CALN1: variants seen among roughly 807,000 people sequenced by gnomAD.
CALN1 encodes calneuron 1.
Under a neutral mutation model 30.6 loss-of-function variants are expected in CALN1, and 17 were observed. The observed-to-expected ratio is 0.56, with a 90% CI of 0.38 to 0.83. CALN1 has a LOEUF of 0.83. Ranked by LOEUF, CALN1 falls within the 40% of genes least tolerant of loss-of-function variation. The probability of loss-of-function intolerance (pLI) is 0.00; values close to 1 mark genes in which losing one functional copy is unlikely to be tolerated. For missense variants in CALN1, 291 were observed against 354.9 expected, an observed-to-expected ratio of 0.82 and a Z score of 1.45; for synonymous variants, 156 against 131.4, an observed-to-expected ratio of 1.19 and a Z score of -1.28.
At chr7:72,405,910 C>T (rs907242949) in intron 1 of CALN1, among the ~76,000 whole-genome samples, 1 of 152,192 alleles carries the variant, frequency 6.6e-6, no homozygotes, top group Non-Finnish European at 1.5e-5. Context: ...GACATCAGAG[C>T]AAGGCACCCA....
intron 6 of CALN1, among the ~76,000 whole-genome samples, chr7:71,790,397 AAAGAAAG>A (rs1193214005): frequency 9.6e-5 from 11 of 114,784 alleles, no homozygotes; most frequent in South Asian, 5.8e-4. Context: ...AGAAAGAAAG[AAAGAAAG>A]AAAGAAAGAA....
the CALN1 span, among the ~76,000 whole-genome samples, chr7:72,488,103 G>GA: frequency 6.6e-6 from 1 of 151,844 alleles, no homozygotes; most frequent in Non-Finnish European, 1.5e-5. Context: ...AGGCCAAGGT[G>GA]AATCACTTGA....
At chr7:72,043,838 AAG>A (rs1186589382) in intron 4 of CALN1, among the ~76,000 whole-genome samples, 2 of 152,212 alleles carry the variant, frequency 1.3e-5, no homozygotes, top group Non-Finnish European at 2.9e-5. Context: ...TTACAAAAGA[AAG>A]AAGTTTAATT....
chr7:72,300,648 T>G (rs974100097), intron 2 of CALN1, among the ~76,000 whole-genome samples: 4 of 152,192 alleles, frequency 2.6e-5, no homozygotes, highest in Non-Finnish European at 5.9e-5. Context: ...CAAAATAGAA[T>G]AAGTGCATAA....
chr7:71,939,403 CAAAAA>C (rs56368426), intron 5 of CALN1, among the ~76,000 whole-genome samples: 1 of 105,478 alleles, frequency 9.5e-6, no homozygotes, highest in Admixed American at 9.9e-5. Context: ...ACTAAAAATA[CAAAAA>C]AAAAAAAAAA....
At chr7:72,179,445 T>C (rs1160921136) in intron 3 of CALN1, among the ~76,000 whole-genome samples, 1 of 152,184 alleles carries the variant, frequency 6.6e-6, no homozygotes, top group Non-Finnish European at 1.5e-5. Context: ...TATGTCTGCA[T>C]CGGAGTTTCC....
chr7:72,408,606 T>C (rs1158320477), intron 1 of CALN1, among the ~76,000 whole-genome samples: 2 of 151,718 alleles, frequency 1.3e-5, no homozygotes, highest in African/African-American at 4.8e-5. Flanking sequence ...AAGTGCAATT[T>C]TGTTACATGC....
intron 3 of CALN1, among the ~76,000 whole-genome samples, chr7:72,265,200 T>C (rs1796523855): frequency 6.6e-6 from 1 of 152,158 alleles, no homozygotes; most frequent in African/African-American, 2.4e-5. Flanking sequence ...CACTCTTCCT[T>C]CTTGAGAAGT....
At chr7:72,483,259 G>T in the CALN1 span, among the ~76,000 whole-genome samples, 5 of 127,442 alleles carry the variant, frequency 3.9e-5, no homozygotes, top group African/African-American at 6.4e-5. Context: ...GTTTGGTTTG[G>T]TTTTTTTCCT....
chr7:72,362,877 C>T (rs1395977530), intron 2 of CALN1, among the ~76,000 whole-genome samples: 12 of 152,282 alleles, frequency 7.9e-5, no homozygotes, highest in Non-Finnish European at 1.3e-4. Flanking sequence ...TACCATATTC[C>T]GGTAAATGAA....
At chr7:72,404,471 A>G (rs1806566714) in intron 1 of CALN1, among the ~76,000 whole-genome samples, 1 of 152,238 alleles carries the variant, frequency 6.6e-6, no homozygotes, top group Admixed American at 6.5e-5. Flanking sequence ...GAGAGTGTAA[A>G]TGGAAGACGT....
At chr7:72,328,912 G>T (rs984749379) in intron 2 of CALN1, among the ~76,000 whole-genome samples, 7 of 152,238 alleles carry the variant, frequency 4.6e-5, no homozygotes, top group African/African-American at 1.4e-4. Flanking sequence ...GGCCAGGCTG[G>T]TCTTGAACTC....
chr7:71,911,645 G>A (rs1794429417), intron 5 of CALN1, among the ~76,000 whole-genome samples: 2 of 152,124 alleles, frequency 1.3e-5, no homozygotes, highest in South Asian at 4.2e-4. Context: ...TGTGCAGGTG[G>A]GTGTACAGAT....
At chr7:72,349,282 TTGTGTGTGTGTG>T (rs3032183) in intron 2 of CALN1, among the ~76,000 whole-genome samples, 72,511 of 147,772 alleles carry the variant, frequency 0.49, 17,670 homozygotes, top group East Asian at 0.67. Context: ...ACACGCGTGC[TTGTGTGTGTGTG>T]TGTGTGTGTG....
chr7:72,488,930 T>C, the CALN1 span, among the ~76,000 whole-genome samples: 1 of 152,206 alleles, frequency 6.6e-6, no homozygotes, highest in African/African-American at 2.4e-5. Context: ...ATCCTTATTC[T>C]GACCCAGGTG....
chr7:71,871,155 G>C (rs1791901532), intron 5 of CALN1, among the ~76,000 whole-genome samples: 1 of 152,124 alleles, frequency 6.6e-6, no homozygotes, highest in Admixed American at 6.5e-5. Context: ...ATTAAGTGTT[G>C]AAATGTAAAT....
rs182965008 is a variant in CALN1 at position 71,961,578 on chromosome 7, A to G, written c.501+62079T>C. 1.1e-4 allele frequency among the ~76,000 whole-genome samples: 16 copies of G among 152,304 alleles called. No homozygotes were observed. In the East Asian group the frequency reaches 2.7e-3, roughly 26 times the overall value. On this transcript the variant is annotated intron_variant, in intron 5 of 6. Coordinates refer to ENST00000395275, the MANE Select transcript of CALN1 (RefSeq NM_031468.4). ...AATCTGCAAACTTCTTTCTCTCACTATTAAAACAAACAAAAAGGAATAAGA... is the reference window on the plus strand; with the variant it reads ...AATCTGCAAACTTCTTTCTCTCACTGTTAAAACAAACAAAAAGGAATAAGA...
chr7:72,215,276 C>CT (rs1459056586), intron 3 of CALN1, among the ~76,000 whole-genome samples: 1 of 152,122 alleles, frequency 6.6e-6, no homozygotes, highest in Non-Finnish European at 1.5e-5. Flanking sequence ...GCAAACTTGC[C>CT]TCACCACCTC....
chr7:71,943,985 A>G (rs1413526773), intron 5 of CALN1, among the ~76,000 whole-genome samples: 1 of 152,214 alleles, frequency 6.6e-6, no homozygotes, highest in Non-Finnish European at 1.5e-5. Flanking sequence ...TGACAGGAAT[A>G]ATGAACTCAA....
Sources: allele counts gnomAD v4.1 joint callset (sites outside exome capture counted in the v4.1 genomes callset), GRCh38; gene constraint gnomAD v4.1.1; transcripts MANE v1.5; gene names NCBI Gene and HGNC (gene_info 2026-07-23, HGNC 2026-07-21).